ARHGAP24: variants seen among roughly 807,000 people sequenced by gnomAD.
ARHGAP24 encodes Rho GTPase activating protein 24.
A neutral mutation model predicts 76.4 loss-of-function variants in ARHGAP24; 50 were observed. The ratio of observed to expected loss-of-function variants is 0.65; its 90% CI spans 0.52 to 0.83. ARHGAP24 has a LOEUF of 0.83. Among genes scored for constraint, ARHGAP24 ranks in the 40% least tolerant of loss-of-function variants. ARHGAP24 has a pLI of 0.00. For synonymous variants in ARHGAP24, 345 were observed against 323.3 expected (o/e 1.07, Z -0.72); for missense variants, 930 against 914.2 (o/e 1.02, Z -0.22).
intron 1 of ARHGAP24, among the ~76,000 whole-genome samples, chr4:85,523,159 G>C (rs1724853482): frequency 6.6e-6 from 1 of 152,158 alleles, no homozygotes; most frequent in Non-Finnish European, 1.5e-5. Flanking sequence ...TCTTTTGTCA[G>C]ATAATAAAGA....
At chr4:85,837,171 G>A (rs1730337912) in intron 3 of ARHGAP24, among the ~76,000 whole-genome samples, 1 of 152,236 alleles carries the variant, frequency 6.6e-6, no homozygotes, top group Non-Finnish European at 1.5e-5. Context: ...AGTGAACTCA[G>A]AAGATCATTA....
At chr4:85,770,308 A>G (rs1389285067) in intron 3 of ARHGAP24, among the ~76,000 whole-genome samples, 4 of 152,228 alleles carry the variant, frequency 2.6e-5, no homozygotes, top group Non-Finnish European at 5.9e-5. Flanking sequence ...TTGGGAGCCC[A>G]AGTAAGCTTA....
intron 2 of ARHGAP24, among the ~76,000 whole-genome samples, chr4:85,640,550 T>G (rs1209525871): frequency 6.6e-6 from 1 of 152,170 alleles, no homozygotes; most frequent in East Asian, 1.9e-4. Context: ...CTATAAGAAT[T>G]TTCATGACAC....
chr4:85,672,433 C>A (rs1722843885), intron 2 of ARHGAP24, among the ~76,000 whole-genome samples: 1 of 152,176 alleles, frequency 6.6e-6, no homozygotes, highest in Admixed American at 6.5e-5. Flanking sequence ...ACAGATGTCA[C>A]AATGAAGACA....
intron 3 of ARHGAP24, among the ~76,000 whole-genome samples, chr4:85,874,116 C>T (rs1327205571): frequency 6.6e-6 from 1 of 152,084 alleles, no homozygotes; most frequent in Non-Finnish European, 1.5e-5. Flanking sequence ...AAACCTAGAG[C>T]AGTTTAAAAA....
intron 3 of ARHGAP24, among the ~76,000 whole-genome samples, chr4:85,781,115 C>A (rs1727536714): frequency 6.6e-6 from 1 of 152,168 alleles, no homozygotes; most frequent in Non-Finnish European, 1.5e-5. Context: ...TTATTCAATT[C>A]TTCTGTGTGG....
intron 5 of ARHGAP24, among the ~76,000 whole-genome samples, chr4:85,949,608 G>A (rs1737484022): frequency 6.6e-6 from 1 of 152,190 alleles, no homozygotes; most frequent in Non-Finnish European, 1.5e-5. Context: ...CCGTGGCTCA[G>A]TACTGAAAGA....
intron 3 of ARHGAP24, among the ~76,000 whole-genome samples, chr4:85,900,116 CAG>C (rs1445938173): frequency 6.6e-6 from 1 of 152,132 alleles, no homozygotes; most frequent in Non-Finnish European, 1.5e-5. Flanking sequence ...TTGAAGTAAT[CAG>C]AAAGTATAAT....
chr4:85,581,604 C>T (rs575938032), intron 2 of ARHGAP24, among the ~76,000 whole-genome samples: 29 of 152,206 alleles, frequency 1.9e-4, no homozygotes, highest in African/African-American at 7.0e-4. Context: ...ACCAACGTAG[C>T]TCTAACTTAA....
intron 1 of ARHGAP24, among the ~76,000 whole-genome samples, chr4:85,480,224 G>A (rs758948142): frequency 4.6e-5 from 7 of 152,038 alleles, no homozygotes; most frequent in African/African-American, 7.2e-5. Context: ...TATGTTATGC[G>A]TTTCAAATTC....
chr4:85,596,166 T>C (rs1215490308), intron 2 of ARHGAP24, among the ~76,000 whole-genome samples: 5 of 151,978 alleles, frequency 3.3e-5, no homozygotes, highest in African/African-American at 1.2e-4. Context: ...AGAAACCAAA[T>C]AATGCTTGGA....
intron 3 of ARHGAP24, among the ~76,000 whole-genome samples, chr4:85,744,528 G>T (rs1415936766): frequency 6.6e-6 from 1 of 152,166 alleles, no homozygotes; most frequent in Non-Finnish European, 1.5e-5. Flanking sequence ...TTAGCATATT[G>T]GTTGTTAAAT....
chr4:85,713,048 A>T (rs1422086744), intron 2 of ARHGAP24, among the ~76,000 whole-genome samples: 1 of 152,144 alleles, frequency 6.6e-6, no homozygotes, highest in African/African-American at 2.4e-5. Context: ...CTATAATCCC[A>T]GCACGTGAAG....
intron 2 of ARHGAP24, among the ~76,000 whole-genome samples, chr4:85,599,168 A>G (rs6835362): frequency 0.94 from 143,266 of 152,144 alleles, 67,530 homozygotes; most frequent in African/African-American, 0.98. Context: ...GAGAGGAGGG[A>G]TTAGAAGGAG....
At chr4:85,930,181 G>A (rs115899323) in intron 4 of ARHGAP24, 322 of 902,068 alleles carry the variant, frequency 3.6e-4, no homozygotes, top group Non-Finnish European at 4.2e-4. Context: ...GGAGGAGGGG[G>A]AGGAGATGCT....
chr4:85,723,058 T>C (rs1407084830), intron 3 of ARHGAP24, among the ~76,000 whole-genome samples: 1 of 152,204 alleles, frequency 6.6e-6, no homozygotes, highest in East Asian at 1.9e-4. Flanking sequence ...AGGGAGAACA[T>C]ATTTTAAGAA....
chr4:85,834,902 T>G (rs1415435013), intron 3 of ARHGAP24, among the ~76,000 whole-genome samples: 1 of 152,206 alleles, frequency 6.6e-6, no homozygotes, highest in Non-Finnish European at 1.5e-5. Flanking sequence ...AAGGGAGTGG[T>G]TCCCAAGTAA....
At chr4:85,902,899 C>T (rs879324778) in intron 3 of ARHGAP24, among the ~76,000 whole-genome samples, 16 of 152,336 alleles carry the variant, frequency 1.1e-4, no homozygotes, top group African/African-American at 2.4e-4. Flanking sequence ...CCACTGCGCC[C>T]GGCCACAAGA....
chr4:85,984,332 T>C (rs1288703932), intron 8 of ARHGAP24, among the ~76,000 whole-genome samples: 1 of 152,196 alleles, frequency 6.6e-6, no homozygotes, highest in Non-Finnish European at 1.5e-5. Flanking sequence ...TATTAAGTTC[T>C]GAAGTCTGGG....
Sources: allele counts gnomAD v4.1 joint callset (sites outside exome capture counted in the v4.1 genomes callset), GRCh38; gene constraint gnomAD v4.1.1; transcripts MANE v1.5; gene names NCBI Gene and HGNC (gene_info 2026-07-23, HGNC 2026-07-21).